Variants in CANX observed in about 807,000 individuals in gnomAD.
CANX encodes the protein calnexin, also known as epididymis secretory sperm binding protein.
Under a neutral mutation model 75.7 loss-of-function variants are expected in CANX, and 14 were observed. The ratio of observed to expected loss-of-function variants is 0.19; its 90% CI spans 0.12 to 0.29. The LOEUF (loss-of-function observed/expected upper bound fraction) is 0.29, where lower values mean the gene tolerates loss of function less well. CANX is among the 10% of genes least tolerant of loss of function. The pLI, the probability that CANX is intolerant of heterozygous loss-of-function variation, is 1.00. For synonymous variants in CANX, 227 were observed against 236.9 expected, an observed-to-expected ratio of 0.96 and a Z score of 0.38; for missense variants, 567 against 713.2, an observed-to-expected ratio of 0.79 and a Z score of 2.34.
chr5:179,727,465 GA>G (rs1043971022), intron 14 of CANX, among the ~76,000 whole-genome samples: 3 of 152,216 alleles, frequency 2.0e-5, no homozygotes, highest in African/African-American at 7.2e-5. Context: ...TAAGTGGGAA[GA>G]GCATTCCAGG....
At chr5:179,708,527 T>G in intron 5 of CANX, 147 bp downstream of exon 5, 1 of 567,706 alleles carries the variant, frequency 1.8e-6, no homozygotes, top group Non-Finnish European at 2.9e-6. Context: ...TTGTAATTAA[T>G]AGTTTTTCCT....
At chr5:179,708,925 G>A in intron 5 of CANX, 53 bp from the exon 6 acceptor site, 1 of 918,114 alleles carries the variant, frequency 1.1e-6, no homozygotes, top group Non-Finnish European at 1.8e-6. Flanking sequence ...CATTAAGAGA[G>A]TTTCGATCTT....
Position 179,681,988 on chromosome 5 carries a change from G to A in CANX, c.-4+3211G>A, listed in dbSNP as rs190652044. On this transcript the variant is annotated intron_variant, in intron 1 of 14. Transcript: ENST00000681674. ...AAGAGGGCCAGGCGCGATGTTTCAT[G>A]CCTGTAAATCCCAGCACTTTGGGAG... is the stretch of plus-strand genomic sequence containing the variant. Among the ~76,000 whole-genome samples, 5 of 149,468 alleles carry A rather than the reference G, an allele frequency of 3.3e-5. No individual in the cohort carries two copies. The Admixed American group carries it at 3.4e-4, about 10-fold the overall frequency.
chr5:179,715,909 G>T, intron 7 of CANX, 196 bp from the exon 8 acceptor site: 1 of 675,282 alleles, frequency 1.5e-6, no homozygotes. Context: ...AAAGCCGAGG[G>T]ACTAATCATT....
chr5:179,701,511 A>G, intron 1 of CANX, among the ~76,000 whole-genome samples: 1 of 151,518 alleles, frequency 6.6e-6, no homozygotes, highest in South Asian at 2.1e-4. Flanking sequence ...CGGAGGTTGC[A>G]GTGAGCGGAG....
chr5:179,699,414 G>T (rs888951658), intron 1 of CANX, among the ~76,000 whole-genome samples: 8 of 152,288 alleles, frequency 5.3e-5, no homozygotes, highest in African/African-American at 1.9e-4. Context: ...AGGCCTCTTT[G>T]CCGGCTGCCT....
chr5:179,681,915 T>C (rs1776072918), intron 1 of CANX, among the ~76,000 whole-genome samples: 1 of 140,228 alleles, frequency 7.1e-6, no homozygotes, highest in Admixed American at 7.7e-5. Flanking sequence ...GCCACTGCAC[T>C]CCAGCATGGG....
At chr5:179,723,800 G>C in intron 12 of CANX, 21 bp downstream of exon 12, 1 of 1,525,290 alleles carries the variant, frequency 6.6e-7, no homozygotes, top group South Asian at 1.2e-5. Context: ...TTTTTTTTTA[G>C]AATCAATTTT....
rs550010514 is a variant in CANX at position 179,722,660 on chromosome 5, T to C, written c.1183-144T>C. 29 of 618,000 alleles carry C rather than the reference T, an allele frequency of 4.7e-5. No homozygotes were observed. The Admixed American group carries it at 6.1e-4, about 13-fold the overall frequency. 38.3% of individuals were successfully genotyped at this position (618,000 alleles called of 1,614,324 possible). On this transcript the variant is annotated intron_variant, in intron 10 of 14. Coordinates refer to ENST00000247461, the MANE Select transcript of CANX (RefSeq NM_001746.4). ...GTAAAATAATCTGTAGCATTTGTTATTTATTTTCCTGTTGCTTATTTCAAG... is the reference window on the plus strand; with the variant it reads ...GTAAAATAATCTGTAGCATTTGTTACTTATTTTCCTGTTGCTTATTTCAAG...
chr5:179,725,969 A>G lies in CANX; in HGVS notation c.1646-711A>G, dbSNP rs182663868. ...CGCCACTGCACTCCAGCCTGGCGAC[A>G]GAGCGAGACTGAGTCTCAAAAAAAA... is the stretch of plus-strand genomic sequence containing the variant. On this transcript the variant is annotated intron_variant, in intron 13 of 14. Transcript: ENST00000247461. 4.3e-3 allele frequency among the ~76,000 whole-genome samples: 617 copies of G among 144,592 alleles called. 3 individuals are homozygous for G. Among genetic ancestry groups the G allele is most frequent in the East Asian group, 8.5e-3 (41 of 4,822 alleles). 94.9% of individuals were successfully genotyped at this position (144,592 alleles called of 152,430 possible). A position where few individuals can be genotyped will look rare whatever the true frequency, so the allele number is the denominator to read the frequency against.
At chr5:179,683,868 C>T (rs1367431082) in intron 1 of CANX, among the ~76,000 whole-genome samples, 7 of 152,076 alleles carry the variant, frequency 4.6e-5, no homozygotes, top group African/African-American at 7.2e-5. Flanking sequence ...GGCTTCTCGC[C>T]GCATAATTAT....
chr5:179,701,736 CTTTTT>C (rs558907168), intron 1 of CANX, among the ~76,000 whole-genome samples: 6 of 44,004 alleles, frequency 1.4e-4, no homozygotes, highest in African/African-American at 1.9e-4. Context: ...AACAGATGTA[CTTTTT>C]TTTTTTTTTT....
intron 1 of CANX, among the ~76,000 whole-genome samples, chr5:179,692,488 A>G (rs1258312009): frequency 6.6e-6 from 1 of 151,978 alleles, no homozygotes; most frequent in African/African-American, 2.4e-5. Context: ...GAGGATGATC[A>G]CTTGGAGCAG....
rs557592892 is a variant in CANX at position 179,719,747 on chromosome 5, G to A, written c.991G>A (p.Val331Ile). ...EGWLDDEPEY[V>I]PDPDAEKPED... Reference sequence around the variant, plus strand: ...CTGGTTAGATGATGAGCCTGAGTACGTACCTGATCCAGACGCAGAGAAACC... The same window carrying A: ...CTGGTTAGATGATGAGCCTGAGTACATACCTGATCCAGACGCAGAGAAACC... The change falls in exon 9 of 15, where the codon GTA (valine) becomes ATA (isoleucine). Residue 331 changes from valine to isoleucine, a missense_variant. Coordinates refer to ENST00000247461, the MANE Select transcript of CANX (RefSeq NM_001746.4). 5.0e-5 allele frequency: 81 copies of A among 1,610,632 alleles called. 1 individual carries two copies. Among genetic ancestry groups the A allele is most frequent in the Admixed American group, 1.0e-4 (6 of 59,828 alleles).
In CANX at chr5:179,731,586, T is replaced by C. The variant is rs933210275; in HGVS notation, c.*2942T>C. Among the ~76,000 whole-genome samples the C allele has an allele frequency of 2.6e-5, 4 of 152,194 alleles. No individual in the cohort carries two copies. The highest frequency in any genetic ancestry group is 7.2e-5 in the African/African-American group (3 of 41,446). ...TCTGCTGCGTTTGTATGAAGACATATTTGATTGTTGTTTTCTCTTGATTTT... is the reference window on the plus strand; with the variant it reads ...TCTGCTGCGTTTGTATGAAGACATACTTGATTGTTGTTTTCTCTTGATTTT... On this transcript the variant is annotated 3_prime_UTR_variant, in exon 15 of 15. Transcript: ENST00000247461.
intron 1 of CANX, among the ~76,000 whole-genome samples, chr5:179,685,265 A>T (rs1362115542): frequency 6.6e-6 from 1 of 151,000 alleles, no homozygotes; most frequent in Non-Finnish European, 1.5e-5. Flanking sequence ...CATCTGGCTA[A>T]TTTTTTTGTT....
intron 10 of CANX, among the ~76,000 whole-genome samples, chr5:179,721,589 T>A (rs1005290775): frequency 2.6e-5 from 4 of 152,166 alleles, no homozygotes; most frequent in African/African-American, 9.7e-5. Flanking sequence ...GTCAGCTCAC[T>A]GCTTGGCCTC....
chr5:179,720,983 C>T (rs532937056), intron 10 of CANX, among the ~76,000 whole-genome samples: 6 of 151,888 alleles, frequency 4.0e-5, no homozygotes, highest in Non-Finnish European at 7.4e-5. Flanking sequence ...GGTGTTTCAC[C>T]ATGTTGGCCA....
In CANX at chr5:179,720,441, A is replaced by G. The variant is rs754657559; in HGVS notation, c.1063A>G (p.Ile355Val). Reference protein sequence around the residue: ...DMDGEWEAPQIANPRCESAPG... With the variant: ...DMDGEWEAPQVANPRCESAPG... ...GGATGGAGAATGGGAGGCTCCTCAG[A>G]TTGCCAACCCTAGATGTGAGTCAGC... Residue 355 changes from isoleucine to valine, a missense_variant, in exon 10 of 15, where the codon ATT (isoleucine) becomes GTT (valine). Ile to Val is a conservative substitution (Grantham distance 29, BLOSUM62 3). This residue lies in a region of CANX where 351 missense variants were observed against 433.8 expected (regional missense o/e 0.81). Transcript: ENST00000247461. 2.5e-6 allele frequency: 4 copies of G among 1,613,872 alleles called. No homozygotes were observed. The East Asian group carries it at 6.7e-5, about 27-fold the overall frequency.
Sources: allele counts gnomAD v4.1 joint callset (sites outside exome capture counted in the v4.1 genomes callset), GRCh38; gene constraint gnomAD v4.1.1; regional missense constraint gnomAD v4.1.1; transcripts MANE v1.5; gene names NCBI Gene and HGNC (gene_info 2026-07-23, HGNC 2026-07-21).